NDNF: variants seen among roughly 807,000 people sequenced by gnomAD.
NDNF encodes protein NDNF.
A neutral mutation model predicts 42.0 loss-of-function variants in NDNF; 16 were observed. That is an observed-to-expected ratio of 0.38 (90% CI 0.26 to 0.58). The LOEUF is 0.58. NDNF is among the 20% of genes least tolerant of loss of function. The pLI is 0.67. For synonymous variants in NDNF, 248 were observed against 251.7 expected, an observed-to-expected ratio of 0.99 and a Z score of 0.14; for missense variants, 616 against 666.2, an observed-to-expected ratio of 0.92 and a Z score of 0.83.
intron 1 of NDNF, among the ~76,000 whole-genome samples, chr4:121,049,979 T>G (rs1432866681): frequency 6.6e-6 from 1 of 152,228 alleles, no homozygotes; most frequent in East Asian, 1.9e-4. Context: ...GGGGAAAAAC[T>G]TAAATATTAG....
In NDNF at chr4:121,037,621, A is replaced by G; in HGVS notation, c.350T>C (p.Ile117Thr). The G allele has an allele frequency of 6.3e-7, 1 of 1,598,820 alleles. No individual in the cohort carries two copies. Among genetic ancestry groups the G allele is most frequent in the Non-Finnish European group, 8.5e-7 (1 of 1,176,004 alleles). The change falls in exon 4 of 4, where the codon ATC (isoleucine) becomes ACC (threonine). Residue 117 changes from isoleucine to threonine, a missense_variant. Ile to Thr is a moderately conservative substitution (Grantham distance 89). Transcript: ENST00000379692. ...TAACTCAGTGCCTTCCTCATTAATG[A>G]TCTGCTGCTTCTGCTGCTCAAGAGG... ...LEPLEQQKQQ[I>T]INEEGTELFS...
chr4:121,048,753 G>C (rs558336237), intron 1 of NDNF, among the ~76,000 whole-genome samples: 1 of 152,180 alleles, frequency 6.6e-6, no homozygotes, highest in African/African-American at 2.4e-5. Flanking sequence ...CAGGAGAATC[G>C]CTTGAACCCA....
rs1727085461 is a variant in NDNF, at chr4:121,045,963, G to A, written c.-1-125C>T. 6 of 762,130 alleles carry A rather than the reference G, an allele frequency of 7.9e-6. No homozygotes were observed. In the East Asian group the frequency reaches 1.6e-4, roughly 21 times the overall value. The allele number at this position is 762,130 out of a possible 1,614,324, so 47.2% of individuals were successfully genotyped here. A position where few individuals can be genotyped will look rare whatever the true frequency, so the allele number is the denominator to read the frequency against. ...AATTTAGGGACGCATCATGTATTTTGGATACATACACATGATCTTCAAGGC... is the reference window on the plus strand; with the variant it reads ...AATTTAGGGACGCATCATGTATTTTAGATACATACACATGATCTTCAAGGC... On this transcript the variant is annotated intron_variant, in intron 1 of 3. Coordinates refer to ENST00000379692, the MANE Select transcript of NDNF (RefSeq NM_024574.4).
chr4:121,037,386 G>C lies in NDNF; in HGVS notation c.585C>G (p.Ala195=), dbSNP rs767299523. ...TSLGRTTVTL[A]WKPSPTASLL... ...AAGAGGCAGTGGGGCTTGGTTTCCA[G>C]GCCAAAGTGACCGTGGTGCGCCCCA... Residue 195 remains alanine (A), a synonymous_variant, in exon 4 of 4, where the codon GCC becomes GCG. Coordinates refer to ENST00000379692, the MANE Select transcript of NDNF (RefSeq NM_024574.4). The C allele has an allele frequency of 1.2e-6, 2 of 1,614,182 alleles. No individual in the cohort carries two copies. The highest frequency in any genetic ancestry group is 2.2e-5 in the South Asian group (2 of 91,086).
In NDNF at chr4:121,036,492, C is replaced by T. The variant is rs771578483; in HGVS notation, c.1479G>A (p.Gln493=). Residue 493 remains glutamine (Q), a synonymous_variant, in exon 4 of 4, where the codon CAG becomes CAA. Transcript: ENST00000379692. ...KEVDDNYNED[Q]KKREQNQCLG... is the part of the protein sequence containing the mutation. ...GACATTGGTTTTGCTCTCTTTTCTT[C>T]TGGTCTTCATTGTAGTTATCATCCA... 1.2e-6 allele frequency: 2 copies of T among 1,614,146 alleles called. No homozygotes were observed. The highest frequency in any genetic ancestry group is 1.1e-5 in the South Asian group (1 of 91,082).
intron 1 of NDNF, among the ~76,000 whole-genome samples, chr4:121,062,636 A>T (rs966038896): frequency 6.6e-6 from 1 of 152,238 alleles, no homozygotes; most frequent in African/African-American, 2.4e-5. Context: ...ATTCAGACCC[A>T]CAATTATGTA....
chr4:121,055,808 TAC>T lies in NDNF; in HGVS notation c.-1-9972_-1-9971del, dbSNP rs370515779. Among the ~76,000 whole-genome samples the T allele has an allele frequency of 6.9e-4, 104 of 150,714 alleles. No homozygotes were observed. The South Asian group carries it at 0.012, about 17-fold the overall frequency. On this transcript the variant is annotated intron_variant, in intron 1 of 3. Coordinates refer to ENST00000379692, the MANE Select transcript of NDNF (RefSeq NM_024574.4). ...TAGAGAAAGGCAATACATACACACATACACACACACACACGCACCCCAGAAGT... is the reference window on the plus strand; with the variant it reads ...TAGAGAAAGGCAATACATACACACATACACACACACACGCACCCCAGAAGT...
intron 1 of NDNF, among the ~76,000 whole-genome samples, chr4:121,066,014 T>C (rs1029199195): frequency 6.6e-6 from 1 of 152,106 alleles, no homozygotes. Context: ...TTTCAGGTAG[T>C]GTTTTGGTAC....
intron 1 of NDNF, among the ~76,000 whole-genome samples, chr4:121,060,805 C>G (rs374109400): frequency 6.6e-6 from 1 of 152,172 alleles, no homozygotes; most frequent in African/African-American, 2.4e-5. Context: ...TCATCTTTAC[C>G]CCCAAGGTCC....
At chr4:121,051,886 C>T (rs553823426) in intron 1 of NDNF, among the ~76,000 whole-genome samples, 1 of 152,152 alleles carries the variant, frequency 6.6e-6, no homozygotes, top group African/African-American at 2.4e-5. Flanking sequence ...TTATAGACTG[C>T]TATTTGGCTA....
chr4:121,045,857 CTACTT>C lies in NDNF; in HGVS notation c.-1-24_-1-20del. The C allele has an allele frequency of 6.2e-7, 1 of 1,607,956 alleles. No homozygotes were observed. On this transcript the variant is annotated intron_variant, in intron 1 of 3. Coordinates refer to ENST00000379692, the MANE Select transcript of NDNF (RefSeq NM_024574.4). ...CACCATCCTGAGGCAACAGAAATGA[CTACTT>C]TATTAGTTCTGCAGGCAGACACTCA...
Position 121,036,872 on chromosome 4 carries a change from G to C in NDNF, c.1099C>G (p.Pro367Ala), listed in dbSNP as rs1468930119. The change falls in exon 4 of 4, where the codon CCA (proline) becomes GCA (alanine). Residue 367 changes from proline to alanine, a missense_variant. By Grantham distance (27) the Pro-to-Ala change is conservative (BLOSUM62 -1). Transcript: ENST00000379692. The part of the protein sequence containing the change: ...RKGAKFLRFA[P>A]VSSHQKVTFF... The stretch of plus-strand genomic sequence containing the variant: ...GTGACTTTTTGGTGAGAAGAGACTG[G>C]AGCAAACCGTAGAAACTTTGCTCCC... 9.3e-6 allele frequency: 15 copies of C among 1,614,008 alleles called. No individual in the cohort carries two copies. The highest frequency in any genetic ancestry group is 1.3e-5 in the Non-Finnish European group (15 of 1,180,020).
At chr4:121,062,194 A>C (rs1579321416) in intron 1 of NDNF, among the ~76,000 whole-genome samples, 1 of 152,366 alleles carries the variant, frequency 6.6e-6, no homozygotes, top group African/African-American at 2.4e-5. Context: ...TTAGAAGCAC[A>C]GAGTTAAAGG....
chr4:121,037,673 G>A lies in NDNF; in HGVS notation c.314-16C>T. ...TCCAGATCACCTAGAAAATACAGGAGAAGCACAGGCTACTGTCAGGGCATA... is the reference window on the plus strand; with the variant it reads ...TCCAGATCACCTAGAAAATACAGGAAAAGCACAGGCTACTGTCAGGGCATA... On this transcript the variant is annotated splice_polypyrimidine_tract_variant and intron_variant, in intron 3 of 3. Coordinates refer to ENST00000379692, the MANE Select transcript of NDNF (RefSeq NM_024574.4). 1.3e-6 allele frequency: 2 copies of A among 1,554,798 alleles called. No homozygotes were observed. Among genetic ancestry groups the A allele is most frequent in the Non-Finnish European group, 1.7e-6 (2 of 1,157,522 alleles).
rs533905167 is a variant in NDNF, at chr4:121,055,000, T to A, written c.-1-9162A>T. 2.0e-5 allele frequency among the ~76,000 whole-genome samples: 3 copies of A among 151,646 alleles called. No individual in the cohort carries two copies. The South Asian group carries it at 6.3e-4, about 32-fold the overall frequency. On this transcript the variant is annotated intron_variant, in intron 1 of 3. Coordinates refer to ENST00000379692, the MANE Select transcript of NDNF (RefSeq NM_024574.4). ...GTGTGCCACCTTACTCAGCTAGGTT[T>A]TTTTTTTTATTTTTGTATAGAAGGG...
At chr4:121,052,318 T>C (rs1052274410) in intron 1 of NDNF, among the ~76,000 whole-genome samples, 4 of 152,214 alleles carry the variant, frequency 2.6e-5, no homozygotes, top group Non-Finnish European at 5.9e-5. Context: ...GAAGTTGAAA[T>C]ACATTTACAA....
chr4:121,044,912 G>A lies in NDNF; in HGVS notation c.188+738C>T, dbSNP rs923288251. ...TCCCGGGATGTTGAGGCTACAATGAGCCATGACCGTGCTACTGCACTCCAA... is the reference window on the plus strand; with the variant it reads ...TCCCGGGATGTTGAGGCTACAATGAACCATGACCGTGCTACTGCACTCCAA... On this transcript the variant is annotated intron_variant, in intron 2 of 3. Transcript: ENST00000379692. Among the ~76,000 whole-genome samples, 3 of 152,344 alleles carry A rather than the reference G, an allele frequency of 2.0e-5. No individual in the cohort carries two copies. In the East Asian group the frequency reaches 5.8e-4, roughly 29 times the overall value.
At chr4:121,066,239 G>A (rs554428628) in intron 1 of NDNF, among the ~76,000 whole-genome samples, 34 of 152,128 alleles carry the variant, frequency 2.2e-4, no homozygotes, top group Non-Finnish European at 4.4e-4. Context: ...AGAGACTCAG[G>A]GAGGCACAGA....
chr4:121,045,684 T>C lies in NDNF; in HGVS notation c.154A>G (p.Ile52Val), dbSNP rs1403230080. 1 of 1,614,238 alleles carries C rather than the reference T, an allele frequency of 6.2e-7. No individual in the cohort carries two copies. The highest frequency in any genetic ancestry group is 8.5e-7 in the Non-Finnish European group (1 of 1,180,040). Reference protein sequence around the residue: ...DSSVIPDGAEISSYLFRDTPK... With the variant: ...DSSVIPDGAEVSSYLFRDTPK... ...GTATCTCTAAAGAGATAACTGCTAA[T>C]TTCAGCTCCATCTGGAATTACTGAC... The change falls in exon 2 of 4, where the codon ATT (isoleucine) becomes GTT (valine). Residue 52 changes from isoleucine to valine, a missense_variant. Coordinates refer to ENST00000379692, the MANE Select transcript of NDNF (RefSeq NM_024574.4).
Sources: gnomAD v4.1 joint callset for allele counts (sites outside exome capture counted in the v4.1 genomes callset) on GRCh38, gnomAD v4.1.1 for gene constraint, MANE v1.5 for transcripts, NCBI Gene and HGNC (gene_info 2026-07-23, HGNC 2026-07-21) for gene names.